The following RAB7A variants were observed in gnomAD, a reference collection of about 807,000 sequenced individuals.
The protein encoded by RAB7A is RAB7A, member RAS oncogene family, also known as ras-related protein Rab-7a.
Under a neutral mutation model 24.5 loss-of-function variants are expected in RAB7A, and 2 were observed. That is an observed-to-expected ratio of 0.08 (90% CI 0.03 to 0.26). The LOEUF is 0.26. RAB7A is among the 10% of genes least tolerant of loss of function. The pLI is 1.00. For missense variants in RAB7A, 118 were observed against 255.7 expected (o/e 0.46, Z 3.67); for synonymous variants, 100 against 95.9 (o/e 1.04, Z -0.25).
intron 1 of RAB7A, among the ~76,000 whole-genome samples, chr3:128,744,262 A>T (rs2070585968): frequency 6.6e-6 from 1 of 152,152 alleles, no homozygotes; most frequent in Non-Finnish European, 1.5e-5. Context: ...AAAAGATAGA[A>T]ACTATAAAAA....
chr3:128,751,956 T>C (rs1195831837), intron 1 of RAB7A, among the ~76,000 whole-genome samples: 1 of 152,202 alleles, frequency 6.6e-6, no homozygotes, highest in East Asian at 1.9e-4. Flanking sequence ...AGCATTCCTC[T>C]CTTTGCCTGC....
intron 1 of RAB7A, among the ~76,000 whole-genome samples, chr3:128,763,205 TA>T (rs1292650496): frequency 1.2e-3 from 138 of 114,054 alleles, no homozygotes; most frequent in African/African-American, 2.9e-3. Flanking sequence ...TATATATATA[TA>T]TATTTTTTTT....
At chr3:128,794,641 G>T (rs150372007) in intron 1 of RAB7A, among the ~76,000 whole-genome samples, 1,812 of 152,282 alleles carry the variant, frequency 0.012, 33 homozygotes, top group African/African-American at 0.039. Context: ...TGAGTAGATA[G>T]ACCATGCTGT....
intron 1 of RAB7A, among the ~76,000 whole-genome samples, chr3:128,781,610 G>A (rs1382358918): frequency 6.6e-6 from 1 of 152,164 alleles, no homozygotes; most frequent in Non-Finnish European, 1.5e-5. Flanking sequence ...CCCGGCGGTC[G>A]AGGCTGCAGT....
chr3:128,813,858 C>A lies in RAB7A; in HGVS notation c.*436C>A, dbSNP rs1247068498. On this transcript the variant is annotated 3_prime_UTR_variant, in exon 6 of 6. Coordinates refer to ENST00000265062, the MANE Select transcript of RAB7A (RefSeq NM_004637.6). The stretch of plus-strand genomic sequence containing the variant: ...TTGGTCTTGTGGTCTTTTTACCCCC[C>A]CTTTCCCCTCCCTCCTTGAAGGCTA... The A allele has an allele frequency of 1.1e-5, 3 of 264,336 alleles. No individual in the cohort carries two copies. Among genetic ancestry groups the A allele is most frequent in the Non-Finnish European group, 2.3e-5 (3 of 132,270 alleles). 16.4% of individuals were successfully genotyped at this position (264,336 alleles called of 1,614,324 possible).
intron 3 of RAB7A, 105 bp from the exon 4 acceptor site, chr3:128,806,267 G>A: frequency 1.0e-6 from 1 of 975,788 alleles, no homozygotes; most frequent in Non-Finnish European, 1.5e-6. Flanking sequence ...TTGTCTTTGT[G>A]GGTGGCCCCA....
intron 1 of RAB7A, chr3:128,785,066 C>T (rs549387863): frequency 6.6e-6 from 1 of 152,044 alleles, no homozygotes; most frequent in East Asian, 1.9e-4. Context: ...CTGCCTCAGC[C>T]TCCCTGGTAG....
intron 1 of RAB7A, among the ~76,000 whole-genome samples, chr3:128,742,205 G>T (rs535660156): frequency 6.6e-6 from 1 of 151,354 alleles, no homozygotes; most frequent in Non-Finnish European, 1.5e-5. Context: ...CGTTCCTCCC[G>T]TCTAGAGTTG....
intron 1 of RAB7A, among the ~76,000 whole-genome samples, chr3:128,752,818 A>G (rs2070698972): frequency 6.7e-6 from 1 of 149,564 alleles, no homozygotes; most frequent in Non-Finnish European, 1.5e-5. Flanking sequence ...AACCTGAAGT[A>G]TGCTACAACA....
intron 1 of RAB7A, chr3:128,764,441 G>C (rs1222905664): frequency 1.3e-6 from 1 of 753,106 alleles, no homozygotes; most frequent in East Asian, 2.4e-5. Flanking sequence ...TTCGCCCCAT[G>C]GCTATGGGGA....
At chr3:128,736,538 G>A (rs950127604) in intron 1 of RAB7A, among the ~76,000 whole-genome samples, 25 of 152,136 alleles carry the variant, frequency 1.6e-4, no homozygotes, top group African/African-American at 6.0e-4. Context: ...AACCAAAGGA[G>A]CAGCCGTGAT....
At chr3:128,804,300 C>T (rs1330057610) in intron 3 of RAB7A, among the ~76,000 whole-genome samples, 1 of 152,202 alleles carries the variant, frequency 6.6e-6, no homozygotes, top group East Asian at 1.9e-4. Flanking sequence ...TATACATATC[C>T]TGACATCACC....
chr3:128,795,711 C>A lies in RAB7A; in HGVS notation c.53+291C>A, dbSNP rs79642257. Among the ~76,000 whole-genome samples, 14 of 142,050 alleles carry A rather than the reference C, an allele frequency of 9.9e-5. 1 individual carries two copies. In the South Asian group the frequency reaches 3.2e-3, roughly 32 times the overall value. 93.2% of individuals were successfully genotyped at this position (142,050 alleles called of 152,430 possible). On this transcript the variant is annotated intron_variant, in intron 2 of 5. Coordinates refer to ENST00000265062, the MANE Select transcript of RAB7A (RefSeq NM_004637.6). ...TGGCCAGGCTGGGGAGTCTTCCTTACGTAGATGTATTGCCATTGGCATCTG... is the reference window on the plus strand; with the variant it reads ...TGGCCAGGCTGGGGAGTCTTCCTTAAGTAGATGTATTGCCATTGGCATCTG...
rs1007804778 is a variant in RAB7A at position 128,813,776 on chromosome 3, T to G, written c.*354T>G. The G allele has an allele frequency of 2.5e-5, 9 of 359,338 alleles. No homozygotes were observed. The highest frequency in any genetic ancestry group is 4.9e-5 in the Non-Finnish European group (9 of 183,200). 22.3% of individuals were successfully genotyped at this position (359,338 alleles called of 1,614,324 possible). On this transcript the variant is annotated 3_prime_UTR_variant, in exon 6 of 6. Transcript: ENST00000265062. Reference sequence around the variant, plus strand: ...TTGGAAGCTTATTCTTTTTGTTCACTGGAGAGAGAGAGAACTGTTTACAGT... The same window carrying G: ...TTGGAAGCTTATTCTTTTTGTTCACGGGAGAGAGAGAGAACTGTTTACAGT...
chr3:128,806,068 T>C (rs1209232707), intron 3 of RAB7A, among the ~76,000 whole-genome samples: 1 of 152,242 alleles, frequency 6.6e-6, no homozygotes, highest in Non-Finnish European at 1.5e-5. Context: ...GTTTTATTTA[T>C]AGTTCAAATT....
At chr3:128,740,559 A>G (rs1166614762) in intron 1 of RAB7A, among the ~76,000 whole-genome samples, 1 of 152,036 alleles carries the variant, frequency 6.6e-6, no homozygotes, top group Non-Finnish European at 1.5e-5. Flanking sequence ...TTGCCAGTTT[A>G]ATGAATGGGA....
intron 3 of RAB7A, among the ~76,000 whole-genome samples, chr3:128,801,351 A>G (rs907573998): frequency 6.6e-6 from 1 of 152,254 alleles, no homozygotes; most frequent in African/African-American, 2.4e-5. Flanking sequence ...ATTTACTAAG[A>G]GGATCTTATT....
rs552458301 is a variant in RAB7A at position 128,758,764 on chromosome 3, A to G, written c.-9+32405A>G. ...TATATCAATGATATTCTGGTTGTGG[A>G]CAGAACTCTTGAGGGTTCCTTGAAC... On this transcript the variant is annotated intron_variant, in intron 1 of 5. Transcript: ENST00000265062. Among the ~76,000 whole-genome samples the G allele has an allele frequency of 5.9e-5, 9 of 152,300 alleles. No homozygotes were observed. The South Asian group carries it at 1.7e-3, about 28-fold the overall frequency.
At chr3:128,764,616 A>G in intron 1 of RAB7A, 2 of 1,299,800 alleles carry the variant, frequency 1.5e-6, no homozygotes, top group East Asian at 2.3e-5. Context: ...AACATGTCTC[A>G]ATGAAGTCAC....
Sources: allele counts gnomAD v4.1 joint callset (sites outside exome capture counted in the v4.1 genomes callset), GRCh38; gene constraint gnomAD v4.1.1; transcripts MANE v1.5; gene names NCBI Gene and HGNC (gene_info 2026-07-23, HGNC 2026-07-21).